The following CEP112 variants were observed in gnomAD, a reference collection of about 807,000 sequenced individuals.
CEP112 encodes the protein centrosomal protein of 112 kDa.
A neutral mutation model predicts 153.0 loss-of-function variants in CEP112; 127 were observed. The observed-to-expected ratio is 0.83, with a 90% CI of 0.72 to 0.96. CEP112 has a LOEUF of 0.96. CEP112 is among the 40% of genes least tolerant of loss of function. CEP112 has a pLI of 0.00. For synonymous variants in CEP112, 358 were observed against 374.4 expected (o/e 0.96, Z 0.51); for missense variants, 1,089 against 1,101.2 (o/e 0.99, Z 0.16).
At chr17:65,894,932 G>A (rs1285962934) in intron 20 of CEP112, among the ~76,000 whole-genome samples, 1 of 152,082 alleles carries the variant, frequency 6.6e-6, no homozygotes, top group African/African-American at 2.4e-5. Flanking sequence ...TGTGGTCTTG[G>A]AGAAAGAGTG....
At chr17:65,707,533 A>G (rs1403025410) in intron 23 of CEP112, among the ~76,000 whole-genome samples, 1 of 152,208 alleles carries the variant, frequency 6.6e-6, no homozygotes, top group Non-Finnish European at 1.5e-5. Flanking sequence ...AGAAGGTCCT[A>G]CAAGGTGTGG....
intron 25 of CEP112, among the ~76,000 whole-genome samples, chr17:65,639,084 G>A (rs1006261946): frequency 2.0e-5 from 3 of 151,952 alleles, no homozygotes; most frequent in African/African-American, 7.3e-5. Flanking sequence ...TTATATGCAG[G>A]CGTGAACAAA....
At chr17:65,932,744 C>T (rs776790628) in intron 18 of CEP112, among the ~76,000 whole-genome samples, 39 of 152,068 alleles carry the variant, frequency 2.6e-4, no homozygotes, top group Non-Finnish European at 4.7e-4. Context: ...CATGAGAACA[C>T]CCTCACTTCC....
At chr17:65,859,222 T>A (rs2058221437) in intron 20 of CEP112, among the ~76,000 whole-genome samples, 1 of 151,762 alleles carries the variant, frequency 6.6e-6, no homozygotes, top group Non-Finnish European at 1.5e-5. Flanking sequence ...GGCGGGCAGA[T>A]CACGAAGTCA....
intron 4 of CEP112, among the ~76,000 whole-genome samples, chr17:66,163,258 T>G (rs890993746): frequency 2.6e-5 from 4 of 152,170 alleles, no homozygotes; most frequent in Non-Finnish European, 5.9e-5. Context: ...CATGCTATGT[T>G]TCACAGCTGT....
chr17:65,971,075 CAT>C (rs755047979), intron 17 of CEP112, among the ~76,000 whole-genome samples: 18 of 152,178 alleles, frequency 1.2e-4, no homozygotes, highest in African/African-American at 2.9e-4. Context: ...ATGCATGTCA[CAT>C]GTCTTACATG....
At chr17:65,746,184 A>AAAAAG (rs1567953473) in intron 22 of CEP112, among the ~76,000 whole-genome samples, 3 of 150,598 alleles carry the variant, frequency 2.0e-5, no homozygotes, top group Admixed American at 6.6e-5. Flanking sequence ...AAAAAAAAAA[A>AAAAAG]AAAAGAAAAG....
At chr17:66,030,651 T>C (rs998073308) in intron 12 of CEP112, among the ~76,000 whole-genome samples, 2 of 152,176 alleles carry the variant, frequency 1.3e-5, no homozygotes, top group Non-Finnish European at 2.9e-5. Flanking sequence ...CTCAACTAAA[T>C]CATTTCTCTA....
intron 21 of CEP112, among the ~76,000 whole-genome samples, chr17:65,806,919 G>C (rs1412389994): frequency 1.3e-5 from 2 of 152,176 alleles, no homozygotes; most frequent in African/African-American, 4.8e-5. Flanking sequence ...ACCTGAAGAT[G>C]TGGAAGTGAC....
At chr17:65,803,433 A>G (rs545003676) in intron 21 of CEP112, among the ~76,000 whole-genome samples, 1 of 152,366 alleles carries the variant, frequency 6.6e-6, no homozygotes, top group Admixed American at 6.5e-5. Flanking sequence ...TCTACCATGC[A>G]TCATTTTAAA....
intron 17 of CEP112, among the ~76,000 whole-genome samples, chr17:65,966,461 A>G (rs1412343862): frequency 1.3e-5 from 2 of 152,222 alleles, no homozygotes; most frequent in Non-Finnish European, 2.9e-5. Context: ...ATAAGGCTTC[A>G]CATTACAGTA....
At chr17:65,706,214 C>T (rs189584834) in intron 23 of CEP112, among the ~76,000 whole-genome samples, 18 of 152,268 alleles carry the variant, frequency 1.2e-4, no homozygotes, top group African/African-American at 3.6e-4. Flanking sequence ...TCAGGAAGGA[C>T]GCAGTATTTG....
At chr17:65,971,250 C>A (rs1408683710) in intron 17 of CEP112, among the ~76,000 whole-genome samples, 7 of 151,760 alleles carry the variant, frequency 4.6e-5, no homozygotes, top group African/African-American at 1.7e-4. Context: ...ACATGCACAT[C>A]AAATGCGTAC....
intron 6 of CEP112, among the ~76,000 whole-genome samples, chr17:66,103,755 T>C (rs1409617646): frequency 2.6e-5 from 4 of 152,200 alleles, no homozygotes; most frequent in African/African-American, 9.6e-5. Flanking sequence ...TTAAATCACC[T>C]GCATCACCCT....
chr17:66,097,593 G>A (rs1432734770), intron 6 of CEP112, among the ~76,000 whole-genome samples: 1 of 152,118 alleles, frequency 6.6e-6, no homozygotes, highest in Non-Finnish European at 1.5e-5. Context: ...CTCTCTCATA[G>A]CCCTTATGTA....
chr17:66,178,585 C>A (rs1204941543), intron 2 of CEP112, among the ~76,000 whole-genome samples: 1 of 152,116 alleles, frequency 6.6e-6, no homozygotes, highest in Non-Finnish European at 1.5e-5. Context: ...TCCATTGTCG[C>A]TTTGGTTGCC....
rs567531109 is a variant in CEP112, at chr17:65,886,780, T to C, written c.2163+15372A>G. Reference sequence around the variant, plus strand: ...ACCAAGTCATGTCAAACCAAATTAATGTTTTAAGACATTCCTGAGCTCAAT... The same window carrying C: ...ACCAAGTCATGTCAAACCAAATTAACGTTTTAAGACATTCCTGAGCTCAAT... On this transcript the variant is annotated intron_variant, in intron 20 of 26. Coordinates refer to ENST00000535342, the MANE Select transcript of CEP112 (RefSeq NM_001199165.4). 5.7e-4 allele frequency among the ~76,000 whole-genome samples: 86 copies of C among 152,182 alleles called. 2 individuals carry two copies. In the South Asian group the frequency reaches 0.016, roughly 29 times the overall value.
intron 24 of CEP112, among the ~76,000 whole-genome samples, chr17:65,669,644 C>T (rs151298157): frequency 0.011 from 1,726 of 152,296 alleles, 10 homozygotes; most frequent in Non-Finnish European, 0.019. Flanking sequence ...TGGCTCATGC[C>T]TGTAATCCCA....
intron 24 of CEP112, among the ~76,000 whole-genome samples, chr17:65,669,642 G>C (rs764758028): frequency 6.6e-6 from 1 of 152,208 alleles, no homozygotes; most frequent in Admixed American, 6.5e-5. Context: ...GGTGGCTCAT[G>C]CCTGTAATCC....
Sources: gnomAD v4.1 joint callset for allele counts (sites outside exome capture counted in the v4.1 genomes callset) on GRCh38, gnomAD v4.1.1 for gene constraint, MANE v1.5 for transcripts, NCBI Gene and HGNC (gene_info 2026-07-23, HGNC 2026-07-21) for gene names.